NOS2: variants seen among roughly 807,000 people sequenced by gnomAD.
The protein encoded by NOS2 is nitric oxide synthase 2.
NOS2 carries 96 observed loss-of-function variants against 136.0 expected under a neutral mutation model. The observed-to-expected ratio is 0.71, with a 90% CI of 0.60 to 0.84. The LOEUF (loss-of-function observed/expected upper bound fraction) is 0.84, where lower values mean the gene tolerates loss of function less well. NOS2 is among the 40% of genes least tolerant of loss of function. The pLI, the probability that NOS2 is intolerant of heterozygous loss-of-function variation, is 0.00. For missense variants in NOS2, 1,237 were observed against 1,496.9 expected, an observed-to-expected ratio of 0.83 and a Z score of 2.87; for synonymous variants, 539 against 587.5, an observed-to-expected ratio of 0.92 and a Z score of 1.20.
chr17:27,757,244 C>T lies in NOS2; in HGVS notation c.*2G>A, dbSNP rs778788102. The T allele has an allele frequency of 3.1e-6, 5 of 1,613,244 alleles. No individual in the cohort carries two copies. The Admixed American group carries it at 6.7e-5, about 22-fold the overall frequency. ...GGCAGCTTTAACCCCTCCTGTAGGC[C>T]CTCAGAGCGCTGACATCTCCAGGCT... is the stretch of plus-strand genomic sequence containing the variant. On this transcript the variant is annotated 3_prime_UTR_variant, in exon 27 of 27. Transcript: ENST00000313735.
At chr17:27,770,840 A>G (rs910916430) in intron 15 of NOS2, 73 bp downstream of exon 15, 7 of 1,110,002 alleles carry the variant, frequency 6.3e-6, no homozygotes, top group African/African-American at 1.5e-5. Flanking sequence ...GACCTGCCGC[A>G]TCCCCCAGAC....
intron 21 of NOS2, 77 bp from the exon 22 acceptor site, chr17:27,763,082 C>CATTA (rs1908188188): frequency 1.1e-6 from 1 of 891,424 alleles, no homozygotes; most frequent in African/African-American, 1.7e-5. Context: ...ACCCAGTATT[C>CATTA]ATTCATTCAT....
chr17:27,776,627 C>A (rs1908665897), intron 11 of NOS2, among the ~76,000 whole-genome samples: 1 of 139,058 alleles, frequency 7.2e-6, no homozygotes, highest in Non-Finnish European at 1.5e-5. Context: ...GAGCCGAGAT[C>A]ACACCATGCA....
At chr17:27,769,461 C>T in intron 16 of NOS2, 74 bp downstream of exon 16, 3 of 1,284,694 alleles carry the variant, frequency 2.3e-6, no homozygotes, top group Non-Finnish European at 3.4e-6. Flanking sequence ...TGTGCACACC[C>T]AGTTCCATCC....
chr17:27,774,141 A>C (rs1218860433), intron 12 of NOS2, 116 bp downstream of exon 12: 3 of 720,268 alleles, frequency 4.2e-6, no homozygotes, highest in African/African-American at 1.9e-5. Context: ...AAGCTCTAAC[A>C]ACATACTCCT....
intron 14 of NOS2, 33 bp from the exon 15 acceptor site, chr17:27,771,050 G>C (rs569157709): frequency 1.3e-6 from 2 of 1,525,646 alleles, no homozygotes; most frequent in Middle Eastern, 1.7e-4. Context: ...TCAGCCCTCG[G>C]CTCCCAGTAG....
At chr17:27,792,845 AAG>A (rs1909235927) in intron 2 of NOS2, among the ~76,000 whole-genome samples, 1 of 140,330 alleles carries the variant, frequency 7.1e-6, no homozygotes, top group South Asian at 2.3e-4. Flanking sequence ...AAAAGGTGCC[AAG>A]TGTGTGGTGA....
At chr17:27,793,946 G>A (rs35051118) in intron 2 of NOS2, among the ~76,000 whole-genome samples, 15,438 of 152,288 alleles carry the variant, frequency 0.1, 1,072 homozygotes, top group East Asian at 0.26. Context: ...GACTGTGTCT[G>A]GGCTAAGATG....
chr17:27,773,098 G>T, intron 13 of NOS2, 63 bp downstream of exon 13: 1 of 1,288,420 alleles, frequency 7.8e-7, no homozygotes. Flanking sequence ...TGGAGGCAGA[G>T]GCTGACTAGA....
In NOS2 at chr17:27,780,856, G is replaced by C. The variant is rs1908819071; in HGVS notation, c.915C>G (p.Val305=). The change falls in exon 9 of 27, where the codon GTC becomes GTG. Residue 305 remains valine (V), a synonymous_variant. Transcript: ENST00000313735. ...GGCCATTGGCCTGCAGGACCAGGGG[G>C]ACCACATCGAAGCGGCCGTACTTGG... is the stretch of plus-strand genomic sequence containing the variant. The part of the protein sequence containing the change: ...WKPKYGRFDV[V]PLVLQANGRD... 1 of 1,614,036 alleles carries C rather than the reference G, an allele frequency of 6.2e-7. No individual in the cohort carries two copies. The highest frequency in any genetic ancestry group is 1.3e-5 in the African/African-American group (1 of 74,938).
chr17:27,765,521 A>G lies in NOS2; in HGVS notation c.2428+14T>C. 1 of 1,572,084 alleles carries G rather than the reference A, an allele frequency of 6.4e-7. No homozygotes were observed. The highest frequency in any genetic ancestry group is 8.6e-7 in the Non-Finnish European group (1 of 1,160,480). Reference sequence around the variant, plus strand: ...GGGTGCCAGGCAGCACTGGCTTTCTAGCCCGGGGCTCACCACTCTCATCCA... The same window carrying G: ...GGGTGCCAGGCAGCACTGGCTTTCTGGCCCGGGGCTCACCACTCTCATCCA... On this transcript the variant is annotated intron_variant, in intron 20 of 26. Transcript: ENST00000313735.
In NOS2 at chr17:27,757,050, G is replaced by T. The variant is rs200198698; in HGVS notation, c.*196C>A. ...GGGAGGCCCCAGTTTGAGAGAGGAG[G>T]CTCCGATCAATCCAGGGTGCTACTT... On this transcript the variant is annotated 3_prime_UTR_variant, in exon 27 of 27. Transcript: ENST00000313735. 2 of 469,140 alleles carry T rather than the reference G, an allele frequency of 4.3e-6. No individual in the cohort carries two copies. The highest frequency in any genetic ancestry group is 2.0e-5 in the African/African-American group (1 of 49,798). The allele number at this position is 469,140 out of a possible 1,614,324, so 29.1% of individuals were successfully genotyped here.
chr17:27,781,549 C>A (rs1003597855), intron 7 of NOS2, among the ~76,000 whole-genome samples: 4 of 152,170 alleles, frequency 2.6e-5, no homozygotes, highest in Non-Finnish European at 5.9e-5. Context: ...ACCCCATCTT[C>A]CCCCTGCTCT....
At chr17:27,763,124 G>A (rs1908189133) in intron 21 of NOS2, 119 bp from the exon 22 acceptor site, 1 of 709,290 alleles carries the variant, frequency 1.4e-6, no homozygotes. Flanking sequence ...CCATGTGCCA[G>A]GCACTGTCCA....
chr17:27,758,954 G>A lies in NOS2; in HGVS notation c.3281C>T (p.Thr1094Ile), dbSNP rs1908019475. 6.2e-7 allele frequency: 1 copy of A among 1,612,786 alleles called. No individual in the cohort carries two copies. Among genetic ancestry groups the A allele is most frequent in the Non-Finnish European group, 8.5e-7 (1 of 1,179,448 alleles). ...DVRMARDVAH[T>I]LKQLVAAKLK... ...CTTGGCAGCCACCAGCTGCTTCAGG[G>A]TGTGGGCCACGTCCCGGGCCATGCG... is the stretch of plus-strand genomic sequence containing the variant. Residue 1094 changes from threonine (T) to isoleucine (I), a missense_variant, in exon 26 of 27, where the codon ACC becomes ATC. By Grantham distance (89) the Thr-to-Ile change is moderately conservative (BLOSUM62 -1). Around this residue, in one of 3 missense-constraint regions of NOS2, gnomAD observed 782 missense variants for 909.9 expected, o/e 0.86. Transcript: ENST00000313735.
At chr17:27,761,319 T>C in intron 22 of NOS2, 88 bp from the exon 23 acceptor site, 1 of 962,182 alleles carries the variant, frequency 1.0e-6, no homozygotes, top group Non-Finnish European at 1.6e-6. Flanking sequence ...CGGCCCTCCT[T>C]GGACGCCCCC....
intron 2 of NOS2, among the ~76,000 whole-genome samples, chr17:27,795,180 G>A (rs115064658): frequency 3.1e-4 from 47 of 152,302 alleles, no homozygotes; most frequent in African/African-American, 1.1e-3. Context: ...CCGTTTCCCC[G>A]TTTCCTTCCT....
chr17:27,771,466 A>G (rs1450317798), intron 14 of NOS2, among the ~76,000 whole-genome samples: 12 of 151,920 alleles, frequency 7.9e-5, no homozygotes, highest in Non-Finnish European at 1.8e-4. Context: ...ACCTGCCACC[A>G]CTCTCCTGGC....
At chr17:27,764,717 A>G (rs1597544920) in intron 20 of NOS2, among the ~76,000 whole-genome samples, 1 of 152,262 alleles carries the variant, frequency 6.6e-6, no homozygotes, top group Non-Finnish European at 1.5e-5. Flanking sequence ...CAGATCTGAT[A>G]GCACAACCTA....
Sources: gnomAD v4.1 joint callset for allele counts (sites outside exome capture counted in the v4.1 genomes callset) on GRCh38, gnomAD v4.1.1 for gene constraint, gnomAD v4.1.1 regional missense constraint, MANE v1.5 for transcripts, NCBI Gene and HGNC (gene_info 2026-07-23, HGNC 2026-07-21) for gene names.